PDZD2: variants seen among roughly 807,000 people sequenced by gnomAD.
PDZD2 encodes the protein PDZ domain containing 2.
Under a neutral mutation model 220.7 loss-of-function variants are expected in PDZD2, and 90 were observed. The observed-to-expected ratio is 0.41, with a 90% CI of 0.34 to 0.49. The LOEUF is 0.49. Ranked by LOEUF, PDZD2 falls within the 20% of genes least tolerant of loss-of-function variation. The pLI, the probability that PDZD2 is intolerant of heterozygous loss-of-function variation, is 0.28. For synonymous variants in PDZD2, 1,375 were observed against 1,450.5 expected, an observed-to-expected ratio of 0.95 and a Z score of 1.18; for missense variants, 3,174 against 3,608.5, an observed-to-expected ratio of 0.88 and a Z score of 3.08.
intron 1 of PDZD2, among the ~76,000 whole-genome samples, chr5:31,724,597 C>G (rs1425678345): frequency 8.1e-6 from 1 of 122,730 alleles, no homozygotes; most frequent in African/African-American, 3.3e-5. Context: ...AGTGAAATTC[C>G]GTCTCAAAAA....
At chr5:31,814,980 T>C (rs1386791729) in intron 2 of PDZD2, among the ~76,000 whole-genome samples, 3 of 151,554 alleles carry the variant, frequency 2.0e-5, no homozygotes, top group Non-Finnish European at 4.4e-5. Flanking sequence ...CGGTGGCTCA[T>C]GCCTATAATC....
intron 2 of PDZD2, among the ~76,000 whole-genome samples, chr5:31,852,543 C>A (rs1200085861): frequency 1.3e-5 from 2 of 151,888 alleles, no homozygotes; most frequent in Admixed American, 1.3e-4. Flanking sequence ...ACCTTGGCCT[C>A]CCAAAGTGCT....
chr5:31,697,326 G>T (rs898609666), intron 1 of PDZD2, among the ~76,000 whole-genome samples: 5 of 152,170 alleles, frequency 3.3e-5, no homozygotes, highest in Non-Finnish European at 7.3e-5. Context: ...AGCCAGGCGT[G>T]GTGGCGGGCA....
chr5:32,020,051 A>G (rs1754077443), intron 6 of PDZD2, among the ~76,000 whole-genome samples: 2 of 147,660 alleles, frequency 1.4e-5, no homozygotes, highest in South Asian at 4.4e-4. Context: ...ATACACACAT[A>G]TATATATATT....
intron 2 of PDZD2, among the ~76,000 whole-genome samples, chr5:31,819,054 A>T (rs1755652984): frequency 6.6e-6 from 1 of 152,204 alleles, no homozygotes; most frequent in Non-Finnish European, 1.5e-5. Context: ...TTCTTTTGTC[A>T]CTACAACCAG....
chr5:32,093,111 AGCCC>A, intron 21 of PDZD2, 87 bp downstream of exon 21: 1 of 723,916 alleles, frequency 1.4e-6, no homozygotes, highest in Non-Finnish European at 2.5e-6. Context: ...AGCCGAGGAG[AGCCC>A]GCCCCGAGTC....
At chr5:31,661,398 C>G (rs1281542317) in intron 1 of PDZD2, 2 of 152,200 alleles carry the variant, frequency 1.3e-5, no homozygotes, top group African/African-American at 4.8e-5. Context: ...CTGATTAAAA[C>G]AGCAGATACG....
At chr5:31,973,340 A>C (rs1476671880) in intron 2 of PDZD2, among the ~76,000 whole-genome samples, 1 of 152,338 alleles carries the variant, frequency 6.6e-6, no homozygotes, top group Non-Finnish European at 1.5e-5. Flanking sequence ...TTCAAGATCA[A>C]TATGAAAGTG....
Position 31,821,811 on chromosome 5 carries a change from G to A in PDZD2, c.476+22087G>A, listed in dbSNP as rs181474699. Among the ~76,000 whole-genome samples, 565 of 151,514 alleles carry A rather than the reference G, an allele frequency of 3.7e-3. 3 individuals carry two copies. Among genetic ancestry groups the A allele is most frequent in the Middle Eastern group, 0.024 (7 of 292 alleles). ...GTCATCTAGGTTTTAAGCCCCACAT[G>A]CATTAGCTATTTGTCCTATGCTCTC... is the stretch of plus-strand genomic sequence containing the variant. On this transcript the variant is annotated intron_variant, in intron 2 of 24. Transcript: ENST00000438447.
intron 5 of PDZD2, among the ~76,000 whole-genome samples, chr5:32,002,132 G>C (rs1021324229): frequency 1.3e-5 from 2 of 152,054 alleles, no homozygotes; most frequent in Admixed American, 1.3e-4. Context: ...GAACATTTTG[G>C]GCTATCCAAA....
intron 2 of PDZD2, among the ~76,000 whole-genome samples, chr5:31,867,678 C>T (rs1030467953): frequency 2.6e-5 from 4 of 152,152 alleles, no homozygotes; most frequent in Admixed American, 6.5e-5. Context: ...AAAGCCTTTC[C>T]TTAATGAAGA....
chr5:31,897,679 A>G (rs1741692584), intron 2 of PDZD2, among the ~76,000 whole-genome samples: 1 of 152,164 alleles, frequency 6.6e-6, no homozygotes, highest in Admixed American at 6.5e-5. Flanking sequence ...TTAAGTACAG[A>G]AGAGACGCAT....
chr5:31,685,010 G>A (rs1746794072), intron 1 of PDZD2, among the ~76,000 whole-genome samples: 1 of 152,138 alleles, frequency 6.6e-6, no homozygotes, highest in Non-Finnish European at 1.5e-5. Context: ...ATGTTGAATA[G>A]TGCCTGGCAC....
intron 1 of PDZD2, among the ~76,000 whole-genome samples, chr5:31,663,535 C>G (rs10461697): frequency 0.62 from 94,910 of 152,068 alleles, 30,426 homozygotes; most frequent in Middle Eastern, 0.77. Flanking sequence ...GTTTAAGAAG[C>G]GTGCCTTCTC....
At chr5:31,849,924 A>G (rs1757855531) in intron 2 of PDZD2, among the ~76,000 whole-genome samples, 1 of 23,390 alleles carries the variant, frequency 4.3e-5, no homozygotes, top group African/African-American at 2.6e-4. Flanking sequence ...ATATACATAT[A>G]TATATATACA....
At chr5:31,698,046 T>C (rs57055582) in intron 1 of PDZD2, among the ~76,000 whole-genome samples, 1 of 149,966 alleles carries the variant, frequency 6.7e-6, no homozygotes, top group South Asian at 2.1e-4. Flanking sequence ...GGGACTACAG[T>C]TGCGTGCCAC....
intron 2 of PDZD2, among the ~76,000 whole-genome samples, chr5:31,931,871 G>A (rs1252569372): frequency 3.3e-5 from 5 of 152,064 alleles, no homozygotes; most frequent in Non-Finnish European, 7.4e-5. Flanking sequence ...AGGAGGGCTG[G>A]ATGGGAGGGG....
intron 2 of PDZD2, among the ~76,000 whole-genome samples, chr5:31,966,373 G>A (rs1044268950): frequency 6.6e-6 from 1 of 152,182 alleles, no homozygotes; most frequent in Non-Finnish European, 1.5e-5. Context: ...TTAAAAGCAA[G>A]CTTTGCATTT....
Position 32,020,784 on chromosome 5 carries a change from A to G in PDZD2, c.1407+10302A>G, listed in dbSNP as rs1754136406. Among the ~76,000 whole-genome samples the G allele has an allele frequency of 2.0e-5, 3 of 151,824 alleles. No individual in the cohort carries two copies. In the East Asian group the frequency reaches 5.9e-4, roughly 30 times the overall value. On this transcript the variant is annotated intron_variant, in intron 6 of 24. Coordinates refer to ENST00000438447, the MANE Select transcript of PDZD2 (RefSeq NM_178140.4). Reference sequence around the variant, plus strand: ...CTCAGCCTCCCAAGTAGCTGGGACTATAGGTGCACACCACCATTCCTGGCT... The same window carrying G: ...CTCAGCCTCCCAAGTAGCTGGGACTGTAGGTGCACACCACCATTCCTGGCT...
Sources: allele counts gnomAD v4.1 joint callset (sites outside exome capture counted in the v4.1 genomes callset), GRCh38; gene constraint gnomAD v4.1.1; transcripts MANE v1.5; gene names NCBI Gene and HGNC (gene_info 2026-07-23, HGNC 2026-07-21).